The following MAF variants were observed in gnomAD, a reference collection of about 807,000 sequenced individuals.
MAF encodes the protein MAF bZIP transcription factor.
In MAF, 10 loss-of-function variants were observed where a neutral mutation model predicts 22.0. The ratio of observed to expected loss-of-function variants is 0.45; its 90% CI spans 0.28 to 0.77. The LOEUF (loss-of-function observed/expected upper bound fraction) is 0.77, where lower values mean the gene tolerates loss of function less well. MAF is among the 30% of genes least tolerant of loss of function. MAF has a pLI of 0.12. For synonymous variants in MAF, 337 were observed against 255.8 expected (o/e 1.32, Z -3.03); for missense variants, 544 against 548.4 (o/e 0.99, Z 0.08).
At chr16:79,271,318 T>C in the MAF span, among the ~76,000 whole-genome samples, 115 of 546 alleles carry the variant, frequency 0.21, no homozygotes, top group African/African-American at 0.32. Context: ...TAACCTCCAT[T>C]GGGTTACTAC....
At chr16:79,381,695 G>C in the MAF span, among the ~76,000 whole-genome samples, 1 of 152,136 alleles carries the variant, frequency 6.6e-6, no homozygotes, top group East Asian at 1.9e-4. Flanking sequence ...GCTAACGGCA[G>C]TCTTCTCTTG....
At chr16:79,454,143 A>G in the MAF span, among the ~76,000 whole-genome samples, 1 of 152,216 alleles carries the variant, frequency 6.6e-6, no homozygotes, top group African/African-American at 2.4e-5. Context: ...GGATGAATAC[A>G]TTAAGATTCT....
chr16:79,246,902 G>GA, the MAF span, among the ~76,000 whole-genome samples: 1 of 113,684 alleles, frequency 8.8e-6, no homozygotes, highest in African/African-American at 4.9e-5. Flanking sequence ...TGTTGACTCT[G>GA]TGCCAGGTAC....
chr16:79,494,633 A>G, the MAF span, among the ~76,000 whole-genome samples: 2 of 152,194 alleles, frequency 1.3e-5, no homozygotes, highest in East Asian at 1.9e-4. Context: ...TTCTCCACAT[A>G]GTACTCACAC....
chr16:79,415,286 G>C, the MAF span, among the ~76,000 whole-genome samples: 1 of 151,728 alleles, frequency 6.6e-6, no homozygotes, highest in Non-Finnish European at 1.5e-5. Flanking sequence ...AGGAAGGGAG[G>C]GAGGGAGGGA....
chr16:79,250,692 G>C, the MAF span, among the ~76,000 whole-genome samples: 14 of 152,120 alleles, frequency 9.2e-5, no homozygotes, highest in African/African-American at 3.1e-4. Context: ...TAGAGAATCT[G>C]GGATTCTATC....
chr16:79,472,271 C>G, the MAF span, among the ~76,000 whole-genome samples: 3 of 152,164 alleles, frequency 2.0e-5, no homozygotes, highest in Non-Finnish European at 2.9e-5. Flanking sequence ...TCCTGGGAAT[C>G]TACCCAAGAG....
the MAF span, among the ~76,000 whole-genome samples, chr16:79,530,145 A>T: frequency 6.6e-6 from 1 of 152,086 alleles, no homozygotes; most frequent in African/African-American, 2.4e-5. Flanking sequence ...GGAGTGTACA[A>T]CCTTGAAGAT....
At chr16:79,299,403 C>G in the MAF span, among the ~76,000 whole-genome samples, 1 of 150,150 alleles carries the variant, frequency 6.7e-6, no homozygotes, top group East Asian at 2.0e-4. Context: ...AAACAGCAAA[C>G]TCCAGGCCCA....
the MAF span, among the ~76,000 whole-genome samples, chr16:79,296,639 A>G: frequency 2.9e-5 from 4 of 138,072 alleles, no homozygotes; most frequent in Admixed American, 2.8e-4. Context: ...TTTTTTTTTT[A>G]CTTCCCGGAT....
the MAF span, among the ~76,000 whole-genome samples, chr16:79,240,309 C>T: frequency 4.6e-5 from 7 of 151,104 alleles, no homozygotes; most frequent in Non-Finnish European, 5.9e-5. Flanking sequence ...AAAATGTGCC[C>T]GATTGCCCTT....
At chr16:79,407,737 A>G in the MAF span, among the ~76,000 whole-genome samples, 2 of 152,032 alleles carry the variant, frequency 1.3e-5, no homozygotes, top group African/African-American at 2.4e-5. Flanking sequence ...TGGAACAAGC[A>G]CAAGAGCACC....
intron 1 of MAF, chr16:79,595,759 T>C: frequency 9.5e-7 from 1 of 1,056,796 alleles, no homozygotes; most frequent in Non-Finnish European, 1.1e-6. Flanking sequence ...GATAGCATGA[T>C]CTGAAATCAT....
the MAF span, among the ~76,000 whole-genome samples, chr16:79,272,467 G>A: frequency 6.6e-6 from 1 of 152,040 alleles, no homozygotes; most frequent in Non-Finnish European, 1.5e-5. Context: ...ATCAGTGGAG[G>A]GGGAGGTGGG....
chr16:79,403,103 T>G, the MAF span, among the ~76,000 whole-genome samples: 1 of 152,320 alleles, frequency 6.6e-6, no homozygotes, highest in South Asian at 2.1e-4. Flanking sequence ...TTCTCTTATC[T>G]GTGAAATGGG....
At chr16:79,421,406 C>A in the MAF span, among the ~76,000 whole-genome samples, 1 of 152,160 alleles carries the variant, frequency 6.6e-6, no homozygotes, top group African/African-American at 2.4e-5. Flanking sequence ...GCCTGGCAAC[C>A]GCTGATCTTT....
At chr16:79,319,520 C>A in the MAF span, among the ~76,000 whole-genome samples, 1 of 152,156 alleles carries the variant, frequency 6.6e-6, no homozygotes, top group Admixed American at 6.5e-5. Flanking sequence ...CTCATTTACT[C>A]ACAGAAATAG....
chr16:79,243,805 C>T, the MAF span, among the ~76,000 whole-genome samples: 4 of 152,042 alleles, frequency 2.6e-5, no homozygotes, highest in Non-Finnish European at 5.9e-5. Flanking sequence ...AACATTGCTG[C>T]GAAAATCCTC....
chr16:79,290,886 C>T, the MAF span, among the ~76,000 whole-genome samples: 3 of 152,102 alleles, frequency 2.0e-5, no homozygotes, highest in Non-Finnish European at 4.4e-5. Flanking sequence ...CCAATCTCTA[C>T]CCCCAAAATG....
Sources: allele counts gnomAD v4.1 joint callset (sites outside exome capture counted in the v4.1 genomes callset), GRCh38; gene constraint gnomAD v4.1.1; transcripts MANE v1.5; gene names NCBI Gene and HGNC (gene_info 2026-07-23, HGNC 2026-07-21).